The following BPIFA1 variants were observed in gnomAD, a reference collection of about 807,000 sequenced individuals.
BPIFA1 encodes the protein BPI fold-containing family A member 1.
A neutral mutation model predicts 25.1 loss-of-function variants in BPIFA1; 24 were observed. The ratio of observed to expected loss-of-function variants is 0.96; its 90% CI spans 0.69 to 1.35. The LOEUF is 1.35. Among genes scored for constraint, BPIFA1 ranks in the 40% most tolerant of loss-of-function variants. BPIFA1 has a pLI of 0.00. For synonymous variants in BPIFA1, 139 were observed against 131.8 expected (o/e 1.05, Z -0.37); for missense variants, 344 against 303.7 (o/e 1.13, Z -0.99).
At chr20:33,241,688 C>A (rs1225865542) in intron 6 of BPIFA1, among the ~76,000 whole-genome samples, 1 of 152,232 alleles carries the variant, frequency 6.6e-6, no homozygotes, top group East Asian at 1.9e-4. Flanking sequence ...CTTGTCCACA[C>A]TGAAGCTGAA....
At chr20:33,237,897 CATGTGT>C (rs764826086) in intron 2 of BPIFA1, 26 bp downstream of exon 2, 47 of 1,268,190 alleles carry the variant, frequency 3.7e-5, no homozygotes, top group East Asian at 1.4e-4. Flanking sequence ...TGTATGTGTG[CATGTGT>C]GTGTGTGTGT....
chr20:33,241,549 G>A, intron 6 of BPIFA1, 80 bp downstream of exon 6: 1 of 1,238,302 alleles, frequency 8.1e-7, no homozygotes, highest in Non-Finnish European at 1.2e-6. Flanking sequence ...AGCTAAGTGG[G>A]TCCGAGTCCC....
Position 33,242,627 on chromosome 20 carries a change from A to T in BPIFA1, c.*34+66A>T. ...CTGTTCTTCTCCTGGTAGAAGGCAGACGGGAGCTTGGGACAATGACATCCA... is the reference window on the plus strand; with the variant it reads ...CTGTTCTTCTCCTGGTAGAAGGCAGTCGGGAGCTTGGGACAATGACATCCA... On this transcript the variant is annotated intron_variant, in intron 8 of 8. Coordinates refer to ENST00000354297, the MANE Select transcript of BPIFA1 (RefSeq NM_130852.3). The T allele has an allele frequency of 2.5e-6, 3 of 1,205,374 alleles. No individual in the cohort carries two copies. The South Asian group carries it at 3.7e-5, about 15-fold the overall frequency. 74.7% of individuals were successfully genotyped at this position (1,205,374 alleles called of 1,614,324 possible). A position where few individuals can be genotyped will look rare whatever the true frequency, so the allele number is the denominator to read the frequency against.
intron 6 of BPIFA1, 75 bp from the exon 7 acceptor site, chr20:33,241,981 C>A: frequency 7.4e-7 from 1 of 1,354,952 alleles, no homozygotes; most frequent in Non-Finnish European, 1.1e-6. Flanking sequence ...GGAAATTTCC[C>A]CAGAGAACCC....
chr20:33,241,306 G>C, intron 5 of BPIFA1, 79 bp from the exon 6 acceptor site: 1 of 1,302,364 alleles, frequency 7.7e-7, no homozygotes, highest in Non-Finnish European at 1.1e-6. Flanking sequence ...TGAGACTGTG[G>C]GGTTCACAGT....
intron 7 of BPIFA1, 42 bp from the exon 8 acceptor site, chr20:33,242,445 A>T: frequency 1.2e-6 from 2 of 1,609,956 alleles, no homozygotes; most frequent in Non-Finnish European, 8.5e-7. Context: ...CGTTGAGATC[A>T]TAACTGTCGT....
intron 5 of BPIFA1, among the ~76,000 whole-genome samples, 182 bp from the exon 6 acceptor site, chr20:33,241,203 T>C (rs1978962508): frequency 6.6e-6 from 1 of 152,266 alleles, no homozygotes; most frequent in Admixed American, 6.5e-5. Context: ...TGTTCACTGC[T>C]GTACACAAAT....
At chr20:33,242,697 G>T (rs1459165849) in intron 8 of BPIFA1, 136 bp downstream of exon 8, 7 of 663,970 alleles carry the variant, frequency 1.1e-5, no homozygotes. Flanking sequence ...GGGATGCACA[G>T]AGAAATCCAC....
Position 33,242,094 on chromosome 20 carries a change from C to G in BPIFA1, c.705C>G (p.Asp235Glu). ...PLVNEVLRGL[D>E]ITLVHDIVNM... ...TCAATGAGGTTCTCAGAGGCTTGGA[C>G]ATCACCCTGGTGCATGACATTGTTA... Residue 235 changes from aspartate (D) to glutamate (E), a missense_variant, in exon 7 of 9, where the codon GAC becomes GAG. Asp to Glu is a conservative substitution (Grantham distance 45, BLOSUM62 2). Coordinates refer to ENST00000354297, the MANE Select transcript of BPIFA1 (RefSeq NM_130852.3). 6.2e-7 allele frequency: 1 copy of G among 1,614,198 alleles called. No homozygotes were observed. Among genetic ancestry groups the G allele is most frequent in the Non-Finnish European group, 8.5e-7 (1 of 1,180,022 alleles).
In BPIFA1 at chr20:33,242,113, A is replaced by G; in HGVS notation, c.724A>G (p.Ile242Val). The G allele has an allele frequency of 4.3e-6, 7 of 1,613,952 alleles. No homozygotes were observed. The highest frequency in any genetic ancestry group is 5.9e-6 in the Non-Finnish European group (7 of 1,179,888). The change falls in exon 7 of 9, where the codon ATT becomes GTT. Residue 242 changes from isoleucine to valine, a missense_variant. Physicochemically the swap from Ile to Val is conservative, Grantham distance 29. Coordinates refer to ENST00000354297, the MANE Select transcript of BPIFA1 (RefSeq NM_130852.3). ...CTTGGACATCACCCTGGTGCATGAC[A>G]TTGTTAGTAAGTACCTGCTTTCAAG... The part of the protein sequence containing the change: ...RGLDITLVHD[I>V]VNMLIHGLQF...
At position 33,241,302 on chromosome 20, in the gene BPIFA1, T is replaced by C. The variant is rs1600641848; in HGVS notation, c.582-83T>C. 9 of 1,278,508 alleles carry C rather than the reference T, an allele frequency of 7.0e-6. No individual in the cohort carries two copies. The East Asian group carries it at 1.6e-4, about 23-fold the overall frequency. The allele number at this position is 1,278,508 out of a possible 1,614,324, so 79.2% of individuals were successfully genotyped here. ...GGCTTTAGTGACTGAGTGTTGAGAC[T>C]GTGGGGTTCACAGTGGCCCCCTCTG... On this transcript the variant is annotated intron_variant, in intron 5 of 8. Transcript: ENST00000354297.
rs774194223 is a variant in BPIFA1, at chr20:33,238,160, G to A, written c.266G>A (p.Gly89Glu). The A allele has an allele frequency of 6.2e-7, 1 of 1,613,902 alleles. No individual in the cohort carries two copies. The highest frequency in any genetic ancestry group is 8.5e-7 in the Non-Finnish European group (1 of 1,179,922). The change falls in exon 3 of 9, where the codon GGG becomes GAG. Residue 89 changes from glycine (G) to glutamate (E), a missense_variant. Gly to Glu is a moderately conservative substitution (Grantham distance 98, BLOSUM62 -2). Coordinates refer to ENST00000354297, the MANE Select transcript of BPIFA1 (RefSeq NM_130852.3). ...GGAGGTACTTCTGGTGGCCTCCTTG[G>A]GGGACTGCTTGGAAAAGTGACGTCA... ...PGGGTSGGLL[G>E]GLLGKVTSVI...
rs371412660 is a variant in BPIFA1, at chr20:33,241,443, G to C, written c.640G>C (p.Val214Leu). Residue 214 changes from valine (V) to leucine (L), a missense_variant, in exon 6 of 9, where the codon GTC (valine) becomes CTC (leucine). Physicochemically the swap from Val to Leu is conservative, Grantham distance 32. Transcript: ENST00000354297. ...CAGCCTCACAGGGATCTTGAATAAAGTCCTGCCTGAGTTGGTTCAGGGCAA... is the reference window on the plus strand; with the variant it reads ...CAGCCTCACAGGGATCTTGAATAAACTCCTGCCTGAGTTGGTTCAGGGCAA... ...LDSLTGILNK[V>L]LPELVQGNVC... 3.7e-6 allele frequency: 6 copies of C among 1,614,024 alleles called. No individual in the cohort carries two copies. In the South Asian group the frequency reaches 5.5e-5, roughly 15 times the overall value.
intron 5 of BPIFA1, 53 bp from the exon 6 acceptor site, chr20:33,241,332 C>T: frequency 6.6e-7 from 1 of 1,521,498 alleles, no homozygotes; most frequent in South Asian, 1.1e-5. Context: ...CCTCTGGAGA[C>T]TTCTCCACAC....
Position 33,238,204 on chromosome 20 carries a change from A to C in BPIFA1, c.310A>C (p.Asn104His). 1 of 1,612,734 alleles carries C rather than the reference A, an allele frequency of 6.2e-7. No homozygotes were observed. The highest frequency in any genetic ancestry group is 1.1e-5 in the South Asian group (1 of 90,930). The change falls in exon 3 of 9, where the codon AAC (asparagine) becomes CAC (histidine). Residue 104 changes from asparagine to histidine, a missense_variant. By Grantham distance (68) the Asn-to-His change is moderately conservative. Coordinates refer to ENST00000354297, the MANE Select transcript of BPIFA1 (RefSeq NM_130852.3). ...KVTSVIPGLN[N>H]IIDIKVTDPQ... ...GACGTCAGTGATTCCTGGCCTGAAC[A>C]ACATCATTGAGTGAGTTGTCCTAAA... is the stretch of plus-strand genomic sequence containing the variant.
chr20:33,238,397 C>T (rs950097199), intron 3 of BPIFA1, among the ~76,000 whole-genome samples, 183 bp downstream of exon 3: 4 of 152,168 alleles, frequency 2.6e-5, no homozygotes, highest in Non-Finnish European at 5.9e-5. Context: ...CCTCCCCAAA[C>T]CAGCAATGCC....
chr20:33,242,373 A>G, intron 7 of BPIFA1, 114 bp from the exon 8 acceptor site: 1 of 1,299,178 alleles, frequency 7.7e-7, no homozygotes, highest in South Asian at 1.3e-5. Flanking sequence ...TGCTGAACAC[A>G]GTCGGATCTC....
At chr20:33,242,284 C>T in intron 7 of BPIFA1, among the ~76,000 whole-genome samples, 165 bp downstream of exon 7, 1 of 152,142 alleles carries the variant, frequency 6.6e-6, no homozygotes, top group Admixed American at 6.5e-5. Flanking sequence ...TTGAGATAGA[C>T]ACCGTGTCTC....
chr20:33,239,128 C>G (rs568974218), intron 3 of BPIFA1, among the ~76,000 whole-genome samples: 2 of 152,020 alleles, frequency 1.3e-5, no homozygotes, highest in African/African-American at 4.8e-5. Context: ...TTGATGGGTG[C>G]GGTCACAGGC....
Sources: gnomAD v4.1 joint callset for allele counts (sites outside exome capture counted in the v4.1 genomes callset) on GRCh38, gnomAD v4.1.1 for gene constraint, MANE v1.5 for transcripts, NCBI Gene and HGNC (gene_info 2026-07-23, HGNC 2026-07-21) for gene names.